The following FLYWCH1 variants were observed in gnomAD, a reference collection of about 807,000 sequenced individuals.
FLYWCH1 encodes the protein FLYWCH-type zinc finger 1.
FLYWCH1 carries 75 observed loss-of-function variants against 66.4 expected under a neutral mutation model. The observed-to-expected ratio is 1.13, with a 90% CI of 0.94 to 1.37. FLYWCH1 has a LOEUF of 1.37. FLYWCH1 is among the 40% of genes most tolerant of loss of function. The pLI, the probability that FLYWCH1 is intolerant of heterozygous loss-of-function variation, is 0.00. For missense variants in FLYWCH1, 1,334 were observed against 1,001.8 expected (o/e 1.33, Z -4.48); for synonymous variants, 595 against 429.9 (o/e 1.38, Z -4.75).
intron 2 of FLYWCH1, among the ~76,000 whole-genome samples, chr16:2,926,317 C>T (rs1471455448): frequency 2.0e-5 from 3 of 152,162 alleles, no homozygotes; most frequent in Admixed American, 6.5e-5. Flanking sequence ...ATCCCACTTA[C>T]AGTATGGAAT....
At chr16:2,925,157 CA>C (rs1303346204) in intron 2 of FLYWCH1, among the ~76,000 whole-genome samples, 3 of 152,236 alleles carry the variant, frequency 2.0e-5, no homozygotes, top group Non-Finnish European at 4.4e-5. Context: ...CTGTCAGGAG[CA>C]ACCTGGCGTC....
intron 9 of FLYWCH1, among the ~76,000 whole-genome samples, chr16:2,943,801 G>T (rs777530147): frequency 1.3e-5 from 2 of 152,012 alleles, no homozygotes; most frequent in Non-Finnish European, 2.9e-5. Context: ...GCCAGGCGTG[G>T]TGGCGAGCAC....
At chr16:2,947,739 G>A (rs1211772619) in intron 9 of FLYWCH1, among the ~76,000 whole-genome samples, 2 of 143,908 alleles carry the variant, frequency 1.4e-5, no homozygotes, top group East Asian at 2.0e-4. Flanking sequence ...TCCAGCTTGG[G>A]CAACAAGAGC....
chr16:2,933,144 C>A lies in FLYWCH1; in HGVS notation c.811C>A (p.Leu271Ile), dbSNP rs763273334. 28 of 1,613,334 alleles carry A rather than the reference C, an allele frequency of 1.7e-5. No individual in the cohort carries two copies. The highest frequency in any genetic ancestry group is 2.4e-5 in the Non-Finnish European group (28 of 1,179,726). ...CTCTCCTCTAGGACAGGCCCGGCCC[C>A]TCGAGTTCCTGAGGACGTGCTACGG... Reference protein sequence around the residue: ...SILGLGQARPLEFLRTCYGGS... With the variant: ...SILGLGQARPIEFLRTCYGGS... The change falls in exon 5 of 10, where the codon CTC becomes ATC. Residue 271 changes from leucine to isoleucine, a missense_variant. Transcript: ENST00000253928.
At chr16:2,944,370 G>A (rs934101601) in intron 9 of FLYWCH1, among the ~76,000 whole-genome samples, 2 of 148,962 alleles carry the variant, frequency 1.3e-5, no homozygotes, top group Admixed American at 6.7e-5. Flanking sequence ...ATCCAGCCTG[G>A]GTGACAAGAG....
intron 9 of FLYWCH1, 42 bp from the exon 10 acceptor site, chr16:2,948,646 T>A: frequency 1.2e-6 from 2 of 1,600,880 alleles, no homozygotes; most frequent in Non-Finnish European, 1.7e-6. Context: ...ATTTCCACCA[T>A]GTTTTGATGT....
intron 2 of FLYWCH1, among the ~76,000 whole-genome samples, chr16:2,917,230 AT>A (rs112053820): frequency 0.77 from 102,008 of 131,660 alleles, 39,938 homozygotes; most frequent in Non-Finnish European, 0.87. Flanking sequence ...CTTGTTAATA[AT>A]TTTTTTTTTT....
rs2071181209 is a variant in FLYWCH1, at chr16:2,939,717, A to G, written c.2051-315A>G. The G allele has an allele frequency of 2.1e-5, 6 of 287,960 alleles. No individual in the cohort carries two copies. The South Asian group carries it at 2.4e-4, about 11-fold the overall frequency. The allele number at this position is 287,960 out of a possible 1,614,324, so 17.8% of individuals were successfully genotyped here. ...CCTGTCTTTACAAGAAATTTTTTTG[A>G]GAAAAGGATTTCTTTGAGAAAGCCA... On this transcript the variant is annotated intron_variant, in intron 8 of 9. Coordinates refer to ENST00000253928, the MANE Select transcript of FLYWCH1 (RefSeq NM_001308068.2).
chr16:2,932,837 A>T, intron 4 of FLYWCH1, among the ~76,000 whole-genome samples: 1 of 151,804 alleles, frequency 6.6e-6, no homozygotes, highest in Middle Eastern at 3.2e-3. Context: ...GGGTGACCTC[A>T]CTGACAGCTA....
intron 9 of FLYWCH1, among the ~76,000 whole-genome samples, chr16:2,942,150 A>AAATACTAAAATCAGGAATAAAGATGAGAC (rs1439891834): frequency 2.6e-4 from 39 of 152,254 alleles, no homozygotes; most frequent in Middle Eastern, 3.4e-3. Context: ...AGAATACTGA[A>AAATACTAAAATCAGGAATAAAGATGAGAC]AATACTAAAA....
rs565701534 is a variant in FLYWCH1 at position 2,936,768 on chromosome 16, G to C, written c.1514-353G>C. On this transcript the variant is annotated intron_variant, in intron 6 of 9. Coordinates refer to ENST00000253928, the MANE Select transcript of FLYWCH1 (RefSeq NM_001308068.2). Reference sequence around the variant, plus strand: ...GCAGCTTTGTCCCCAGAGGGCCCCGGGTCATTCCTCTGACCAACCAGGCAC... The same window carrying C: ...GCAGCTTTGTCCCCAGAGGGCCCCGCGTCATTCCTCTGACCAACCAGGCAC... 5.9e-5 allele frequency: 30 copies of C among 504,982 alleles called. 1 individual carries two copies. The highest frequency in any genetic ancestry group is 4.6e-4 in the South Asian group (30 of 64,974). The allele number at this position is 504,982 out of a possible 1,614,324, so 31.3% of individuals were successfully genotyped here.
intron 2 of FLYWCH1, among the ~76,000 whole-genome samples, chr16:2,916,342 A>T (rs2070166446): frequency 6.6e-6 from 1 of 151,912 alleles, no homozygotes; most frequent in South Asian, 2.1e-4. Context: ...TCCATCTCAA[A>T]ACAAAAATAC....
chr16:2,939,747 C>G (rs1039170486), intron 8 of FLYWCH1: 2 of 341,720 alleles, frequency 5.9e-6, no homozygotes, highest in East Asian at 6.1e-5. Context: ...AAGCCACTAT[C>G]GAGCTTACAG....
intron 2 of FLYWCH1, among the ~76,000 whole-genome samples, chr16:2,918,854 AGT>A: frequency 6.6e-6 from 1 of 152,372 alleles, no homozygotes; most frequent in East Asian, 1.9e-4. Context: ...GCTAGAACGT[AGT>A]GTCTTGTCCA....
chr16:2,918,644 T>G (rs1292340546), intron 2 of FLYWCH1, among the ~76,000 whole-genome samples: 1 of 151,728 alleles, frequency 6.6e-6, no homozygotes, highest in Non-Finnish European at 1.5e-5. Flanking sequence ...TTTCTCCATT[T>G]TAGTCAGGCT....
At chr16:2,925,909 G>A (rs116162594) in intron 2 of FLYWCH1, among the ~76,000 whole-genome samples, 256 of 152,318 alleles carry the variant, frequency 1.7e-3, no homozygotes, top group African/African-American at 6.0e-3. Context: ...GGATCAAAGT[G>A]GGAGACCAGT....
chr16:2,937,103 C>T lies in FLYWCH1; in HGVS notation c.1514-18C>T, dbSNP rs1389960549. Reference sequence around the variant, plus strand: ...GAGAGCTGGTGTCCGCTGCTCCTCCCCTCCCATTTCTCAACAGGAGGCCCC... The same window carrying T: ...GAGAGCTGGTGTCCGCTGCTCCTCCTCTCCCATTTCTCAACAGGAGGCCCC... On this transcript the variant is annotated intron_variant, in intron 6 of 9. Transcript: ENST00000253928. The T allele has an allele frequency of 6.3e-7, 1 of 1,590,140 alleles. No individual in the cohort carries two copies.
Position 2,948,932 on chromosome 16 carries a change from C to G in FLYWCH1, c.*205C>G. The stretch of plus-strand genomic sequence containing the variant: ...TGTCGGCGGAGAACAGTGCTCAGAG[C>G]TGGCGCTTGCAGACGCAGCTGTCGT... On this transcript the variant is annotated 3_prime_UTR_variant, in exon 10 of 10. Transcript: ENST00000253928. 1.8e-6 allele frequency: 1 copy of G among 568,836 alleles called. No homozygotes were observed. The highest frequency in any genetic ancestry group is 3.1e-6 in the Non-Finnish European group (1 of 317,702). The allele number at this position is 568,836 out of a possible 1,614,324, so 35.2% of individuals were successfully genotyped here. A position where few individuals can be genotyped will look rare whatever the true frequency, so the allele number is the denominator to read the frequency against.
intron 2 of FLYWCH1, among the ~76,000 whole-genome samples, chr16:2,925,015 C>T (rs1468814881): frequency 6.6e-6 from 1 of 152,248 alleles, no homozygotes; most frequent in East Asian, 1.9e-4. Context: ...GCAGTCCCCA[C>T]CTTCACTCTG....
Sources: allele counts gnomAD v4.1 joint callset (sites outside exome capture counted in the v4.1 genomes callset), GRCh38; gene constraint gnomAD v4.1.1; transcripts MANE v1.5; gene names NCBI Gene and HGNC (gene_info 2026-07-23, HGNC 2026-07-21).